Variants in CYBRD1 observed in about 807,000 individuals in gnomAD.
The protein encoded by CYBRD1 is plasma membrane ascorbate-dependent reductase CYBRD1.
CYBRD1 carries 14 observed loss-of-function variants against 21.9 expected under a neutral mutation model. The observed-to-expected ratio is 0.64, with a 90% CI of 0.42 to 1.00. The LOEUF (loss-of-function observed/expected upper bound fraction) is 1.00. CYBRD1 is among the 50% of genes least tolerant of loss of function. CYBRD1 has a pLI of 0.00. For missense variants in CYBRD1, 328 were observed against 352.5 expected, an observed-to-expected ratio of 0.93 and a Z score of 0.56; for synonymous variants, 146 against 136.5, an observed-to-expected ratio of 1.07 and a Z score of -0.48.
intron 1 of CYBRD1, among the ~76,000 whole-genome samples, chr2:171,525,566 T>C (rs1697372504): frequency 6.6e-6 from 1 of 152,110 alleles, no homozygotes. Flanking sequence ...CAGACTTTTT[T>C]ACCGTGTGTG....
At chr2:171,553,260 A>T in intron 2 of CYBRD1, 86 bp from the exon 3 acceptor site, 1 of 1,488,158 alleles carries the variant, frequency 6.7e-7, no homozygotes, top group Non-Finnish European at 9.2e-7. Flanking sequence ...AGGTTTTGTC[A>T]TATTACACAT....
chr2:171,522,959 C>G lies in CYBRD1; in HGVS notation c.193+221C>G, dbSNP rs1339182748. On this transcript the variant is annotated intron_variant, in intron 1 of 3. Transcript: ENST00000321348. The surrounding 1 kb of genome is among the most constrained non-coding windows in gnomAD (Gnocchi z 4.3). ...TGCGGTTCAGGAGGATCGCCGCGAG[C>G]GCGGGGCCGGGGGTGCGCGGTGGAG... is the stretch of plus-strand genomic sequence containing the variant. 9.3e-6 allele frequency: 6 copies of G among 643,334 alleles called. No individual in the cohort carries two copies. The highest frequency in any genetic ancestry group is 1.5e-5 in the Non-Finnish European group (6 of 409,594). The allele number at this position is 643,334 out of a possible 1,614,324, so 39.9% of individuals were successfully genotyped here. A position where few individuals can be genotyped will look rare whatever the true frequency, so the allele number is the denominator to read the frequency against.
intron 1 of CYBRD1, among the ~76,000 whole-genome samples, chr2:171,533,709 C>T (rs1697504067): frequency 1.3e-5 from 2 of 152,068 alleles, no homozygotes; most frequent in South Asian, 4.2e-4. Context: ...TTCACATATT[C>T]CCAAGTTTTG....
At chr2:171,552,460 A>G (rs554871719) in intron 2 of CYBRD1, among the ~76,000 whole-genome samples, 1 of 152,256 alleles carries the variant, frequency 6.6e-6, no homozygotes, top group East Asian at 1.9e-4. Context: ...TTGGATCTCA[A>G]TCAAGAAAGC....
At chr2:171,549,609 T>C (rs114980448) in intron 2 of CYBRD1, among the ~76,000 whole-genome samples, 3,751 of 152,342 alleles carry the variant, frequency 0.025, 135 homozygotes, top group African/African-American at 0.085. Context: ...GATACTGCCA[T>C]AATCTAGAGA....
chr2:171,526,045 T>C (rs561629575), intron 1 of CYBRD1, among the ~76,000 whole-genome samples: 14 of 147,046 alleles, frequency 9.5e-5, no homozygotes, highest in African/African-American at 3.2e-4. Context: ...GGCGAGTGGA[T>C]CCCCTGAGGT....
At chr2:171,545,138 C>CA (rs761208882) in intron 2 of CYBRD1, among the ~76,000 whole-genome samples, 4,107 of 68,428 alleles carry the variant, frequency 0.06, 109 homozygotes, top group African/African-American at 0.11. Context: ...GACCCTGTCT[C>CA]AAAAAAAAAA....
chr2:171,527,468 T>A (rs959756617), intron 1 of CYBRD1, among the ~76,000 whole-genome samples: 4 of 152,238 alleles, frequency 2.6e-5, no homozygotes, highest in African/African-American at 2.4e-5. Flanking sequence ...TACAGCCACT[T>A]ACTTGTGACG....
intron 2 of CYBRD1, among the ~76,000 whole-genome samples, chr2:171,543,057 T>TA (rs986284854): frequency 4.1e-4 from 62 of 151,414 alleles, no homozygotes; most frequent in Non-Finnish European, 6.0e-4. Flanking sequence ...TCAATAAAGG[T>TA]AAAAAAAAAT....
chr2:171,547,259 C>T (rs1427797642), intron 2 of CYBRD1, among the ~76,000 whole-genome samples: 1 of 151,890 alleles, frequency 6.6e-6, no homozygotes, highest in East Asian at 1.9e-4. Flanking sequence ...CACTAATGAC[C>T]CCAGAAAGCA....
chr2:171,529,699 C>T (rs897956518), intron 1 of CYBRD1, among the ~76,000 whole-genome samples: 1 of 152,094 alleles, frequency 6.6e-6, no homozygotes, highest in African/African-American at 2.4e-5. Flanking sequence ...CCTCAGTAAG[C>T]TATCCTTTCC....
chr2:171,554,652 A>G lies in CYBRD1; in HGVS notation c.686A>G (p.Glu229Gly). 1 of 1,614,056 alleles carries G rather than the reference A, an allele frequency of 6.2e-7. No homozygotes were observed. The highest frequency in any genetic ancestry group is 2.2e-5 in the East Asian group (1 of 44,874). The change falls in exon 4 of 4, where the codon GAG (glutamate) becomes GGG (glycine). Residue 229 changes from glutamate (E) to glycine (G), a missense_variant. Coordinates refer to ENST00000321348, the MANE Select transcript of CYBRD1 (RefSeq NM_024843.4). The part of the protein sequence containing the change: ...VTRPQWKRPK[E>G]PNSTILHPNG... The stretch of plus-strand genomic sequence containing the variant: ...AGACCGCAATGGAAACGTCCTAAGG[A>G]GCCAAATTCTACCATTCTTCATCCA...
intron 1 of CYBRD1, among the ~76,000 whole-genome samples, chr2:171,536,202 G>C (rs542808287): frequency 6.8e-6 from 1 of 147,726 alleles, no homozygotes; most frequent in Admixed American, 6.8e-5. Context: ...GCAATGGTGC[G>C]ATCTCAGCTT....
chr2:171,522,337 G>T, upstream of CYBRD1: 2 of 1,519,582 alleles, frequency 1.3e-6, no homozygotes, highest in Non-Finnish European at 1.8e-6. The surrounding 1 kb of genome is among the most constrained non-coding windows in gnomAD (Gnocchi z 4.3). Context: ...GCGTGATCCC[G>T]GGGGTGGGGC....
chr2:171,537,770 A>G (rs549552077), intron 1 of CYBRD1, among the ~76,000 whole-genome samples: 1 of 152,288 alleles, frequency 6.6e-6, no homozygotes, highest in African/African-American at 2.4e-5. Context: ...AATAAGTTCT[A>G]GTGTTCTATA....
intron 1 of CYBRD1, among the ~76,000 whole-genome samples, chr2:171,526,827 C>T (rs1160302431): frequency 6.6e-6 from 1 of 152,146 alleles, no homozygotes. Context: ...GAAGTCTTGG[C>T]AATTCTATAT....
intron 2 of CYBRD1, among the ~76,000 whole-genome samples, chr2:171,546,135 C>T (rs1009113624): frequency 4.6e-5 from 7 of 152,196 alleles, no homozygotes; most frequent in Admixed American, 3.3e-4. Context: ...CACCTGGCTT[C>T]TTCCTTGCTC....
intron 2 of CYBRD1, among the ~76,000 whole-genome samples, chr2:171,550,494 A>C (rs1038509407): frequency 1.3e-5 from 2 of 152,166 alleles, no homozygotes; most frequent in Admixed American, 1.3e-4. Flanking sequence ...TATCACCTTC[A>C]CTTGTAAGGT....
chr2:171,551,946 A>AT (rs913001039), intron 2 of CYBRD1, among the ~76,000 whole-genome samples: 1 of 151,228 alleles, frequency 6.6e-6, no homozygotes, highest in African/African-American at 2.4e-5. Flanking sequence ...TTCTATCATC[A>AT]TTTTTTTTTC....
Sources: gnomAD v4.1 joint callset for allele counts (sites outside exome capture counted in the v4.1 genomes callset) on GRCh38, gnomAD v4.1.1 for gene constraint, Gnocchi (gnomAD v3.1) non-coding constraint, MANE v1.5 for transcripts, NCBI Gene and HGNC (gene_info 2026-07-23, HGNC 2026-07-21) for gene names.